Variants in DHRS13 observed in about 807,000 individuals in gnomAD.
The protein encoded by DHRS13 is dehydrogenase/reductase 13.
In DHRS13, 22 loss-of-function variants were observed where a neutral mutation model predicts 17.9. That is an observed-to-expected ratio of 1.23 (90% CI 0.88 to 1.75). DHRS13 has a LOEUF of 1.75. Among genes scored for constraint, DHRS13 ranks in the 40% most tolerant of loss-of-function variants. DHRS13 has a pLI of 0.00. For missense variants in DHRS13, 483 were observed against 519.9 expected (o/e 0.93, Z 0.69); for synonymous variants, 206 against 220.4 (o/e 0.93, Z 0.58).
At position 28,898,893 on chromosome 17, in the gene DHRS13, C is replaced by G. The variant is rs1471741990; in HGVS notation, c.683-1G>C. On this transcript the variant is annotated splice_acceptor_variant, in intron 4 of 4. Transcript: ENST00000378895. LOFTEE classifies it high-confidence loss of function. Reference sequence around the variant, plus strand: ...AGGAACAGCTCCGAGTTCACAGGCCCTGTAGGCAGGAAGAAAGAAAGGAGT... The same window carrying G: ...AGGAACAGCTCCGAGTTCACAGGCCGTGTAGGCAGGAAGAAAGAAAGGAGT... 1 of 1,569,442 alleles carries G rather than the reference C, an allele frequency of 6.4e-7. No homozygotes were observed. Among genetic ancestry groups the G allele is most frequent in the South Asian group, 1.2e-5 (1 of 86,612 alleles).
In DHRS13 at chr17:28,902,039, C is replaced by G. The variant is rs1053853127; in HGVS notation, c.247-423G>C. The G allele has an allele frequency of 1.7e-5, 3 of 179,154 alleles. No homozygotes were observed. The highest frequency in any genetic ancestry group is 7.2e-5 in the African/African-American group (3 of 41,798). 11.1% of individuals were successfully genotyped at this position (179,154 alleles called of 1,614,324 possible). ...CCTCTCTCCCGCTCTTGCCCCCCCA[C>G]TCCAGGCACCACGCAGCCACAAAGG... On this transcript the variant is annotated intron_variant, in intron 2 of 4. Transcript: ENST00000378895. This position sits in a 1 kb window ranked among gnomAD's most constrained non-coding sequence, Gnocchi z 4.0.
chr17:28,902,915 C>T lies in DHRS13; in HGVS notation c.30G>A (p.Leu10=). 6.5e-7 allele frequency: 1 copy of T among 1,550,298 alleles called. No homozygotes were observed. The highest frequency in any genetic ancestry group is 8.6e-7 in the Non-Finnish European group (1 of 1,156,316). MEALLLGAG[L]LLGAYVLVYY... ...AGACAAGCACGTAAGCGCCCAGCAG[C>T]AACCCCGCGCCCAGCAGCAGCGCCT... Residue 10 remains leucine, a synonymous_variant, in exon 1 of 5, where the codon TTG becomes TTA. Coordinates refer to ENST00000378895, the MANE Select transcript of DHRS13 (RefSeq NM_144683.4). This position sits in a 1 kb window ranked among gnomAD's most constrained non-coding sequence, Gnocchi z 4.0.
rs2039780210 is a variant in DHRS13, at chr17:28,898,623, C to T, written c.952G>A (p.Asp318Asn). ...KRLAGLGPGEDAEPDEDPQSE... is the reference protein window; with the variant it reads ...KRLAGLGPGENAEPDEDPQSE... Reference sequence around the variant, plus strand: ...TGGGGGTCTTCATCGGGTTCAGCATCCTCCCCAGGCCCAAGCCCTGCCAGC... The same window carrying T: ...TGGGGGTCTTCATCGGGTTCAGCATTCTCCCCAGGCCCAAGCCCTGCCAGC... Residue 318 changes from aspartate (D) to asparagine (N), a missense_variant, in exon 5 of 5, where the codon GAT becomes AAT. By Grantham distance (23) the Asp-to-Asn change is conservative. Transcript: ENST00000378895. 3 of 1,613,672 alleles carry T rather than the reference C, an allele frequency of 1.9e-6. No homozygotes were observed. Among genetic ancestry groups the T allele is most frequent in the Admixed American group, 1.7e-5 (1 of 59,924 alleles).
Position 28,902,910 on chromosome 17 carries a change from A to G in DHRS13, c.35T>C (p.Leu12Pro). The change falls in exon 1 of 5, where the codon CTG becomes CCG. Residue 12 changes from leucine to proline, a missense_variant. By Grantham distance (98) the Leu-to-Pro change is moderately conservative. Coordinates refer to ENST00000378895, the MANE Select transcript of DHRS13 (RefSeq NM_144683.4). This position sits in a 1 kb window ranked among gnomAD's most constrained non-coding sequence, Gnocchi z 4.0. ...GTAGTAGACAAGCACGTAAGCGCCCAGCAGCAACCCCGCGCCCAGCAGCAG... is the reference window on the plus strand; with the variant it reads ...GTAGTAGACAAGCACGTAAGCGCCCGGCAGCAACCCCGCGCCCAGCAGCAG... ...EALLLGAGLL[L>P]GAYVLVYYNL... The G allele has an allele frequency of 6.4e-7, 1 of 1,552,598 alleles. No homozygotes were observed. The highest frequency in any genetic ancestry group is 8.6e-7 in the Non-Finnish European group (1 of 1,157,472).
In DHRS13 at chr17:28,901,708, G is replaced by A. The variant is rs2039807418; in HGVS notation, c.247-92C>T. ...AAATTCTGAGAGTCCATCTCCTACTGTTTACTAAAATCTGCCCCTGTGTCT... is the reference window on the plus strand; with the variant it reads ...AAATTCTGAGAGTCCATCTCCTACTATTTACTAAAATCTGCCCCTGTGTCT... On this transcript the variant is annotated intron_variant, in intron 2 of 4. Transcript: ENST00000378895. This position sits in a 1 kb window ranked among gnomAD's most constrained non-coding sequence, Gnocchi z 4.3. 6.4e-7 allele frequency: 1 copy of A among 1,557,382 alleles called. No homozygotes were observed.
In DHRS13 at chr17:28,902,731, G is replaced by T; in HGVS notation, c.128-30C>A. 1 of 1,371,762 alleles carries T rather than the reference G, an allele frequency of 7.3e-7. No individual in the cohort carries two copies. Among genetic ancestry groups the T allele is most frequent in the Non-Finnish European group, 9.3e-7 (1 of 1,073,462 alleles). 85.0% of individuals were successfully genotyped at this position (1,371,762 alleles called of 1,614,324 possible). A position where few individuals can be genotyped will look rare whatever the true frequency, so the allele number is the denominator to read the frequency against. ...GGACCGCGGGCGGGAGCCGAGCTGA[G>T]CTGAGCCCGGCGGGCCGCTGCTACC... On this transcript the variant is annotated intron_variant, in intron 1 of 4. Coordinates refer to ENST00000378895, the MANE Select transcript of DHRS13 (RefSeq NM_144683.4). This position sits in a 1 kb window ranked among gnomAD's most constrained non-coding sequence, Gnocchi z 4.0.
Position 28,901,657 on chromosome 17 carries a change from T to G in DHRS13, c.247-41A>C. The G allele has an allele frequency of 6.2e-7, 1 of 1,609,396 alleles. No homozygotes were observed. On this transcript the variant is annotated intron_variant, in intron 2 of 4. Transcript: ENST00000378895. The surrounding 1 kb of genome is among the most constrained non-coding windows in gnomAD (Gnocchi z 4.3). ...GGCTGGGCTTGTCACCAGGCATCTC[T>G]CTCCTCTTCCCTCTCCCCAGGCACC...
At chr17:28,900,017 G>A (rs888297651) in intron 4 of DHRS13, among the ~76,000 whole-genome samples, 3 of 151,970 alleles carry the variant, frequency 2.0e-5, no homozygotes, top group African/African-American at 7.3e-5. Flanking sequence ...GGATTAAAGC[G>A]ATTCTCCTGC....
chr17:28,902,905 C>A lies in DHRS13; in HGVS notation c.40G>T (p.Ala14Ser), dbSNP rs749334823. 1 of 1,552,838 alleles carries A rather than the reference C, an allele frequency of 6.4e-7. No homozygotes were observed. The highest frequency in any genetic ancestry group is 8.6e-7 in the Non-Finnish European group (1 of 1,157,592). Residue 14 changes from alanine to serine, a missense_variant, in exon 1 of 5, where the codon GCT becomes TCT. By Grantham distance (99) the Ala-to-Ser change is moderately conservative. Coordinates refer to ENST00000378895, the MANE Select transcript of DHRS13 (RefSeq NM_144683.4). The surrounding 1 kb of genome is among the most constrained non-coding windows in gnomAD (Gnocchi z 4.0). ...AGGTTGTAGTAGACAAGCACGTAAGCGCCCAGCAGCAACCCCGCGCCCAGC... is the reference window on the plus strand; with the variant it reads ...AGGTTGTAGTAGACAAGCACGTAAGAGCCCAGCAGCAACCCCGCGCCCAGC... ...LLLGAGLLLG[A>S]YVLVYYNLVK...
Position 28,901,380 on chromosome 17 carries a change from A to C in DHRS13, c.371-79T>G. On this transcript the variant is annotated intron_variant, in intron 3 of 4. Coordinates refer to ENST00000378895, the MANE Select transcript of DHRS13 (RefSeq NM_144683.4). The surrounding 1 kb of genome is among the most constrained non-coding windows in gnomAD (Gnocchi z 4.3). ...GGCATCCCTATCTATGAGATGGGAG[A>C]AGGGGGCATCCTTCCCATGTGTCCA... is the stretch of plus-strand genomic sequence containing the variant. 1 of 1,586,526 alleles carries C rather than the reference A, an allele frequency of 6.3e-7. No homozygotes were observed. The highest frequency in any genetic ancestry group is 1.2e-5 in the South Asian group (1 of 86,950).
At position 28,898,810 on chromosome 17, in the gene DHRS13, G is replaced by T; in HGVS notation, c.765C>A (p.Leu255=). 1.2e-6 allele frequency: 2 copies of T among 1,610,012 alleles called. No individual in the cohort carries two copies. The highest frequency in any genetic ancestry group is 2.2e-5 in the South Asian group (2 of 90,512). ...PLLRPLAWLV[L]RAPRGGAQTP... is the part of the protein sequence containing the mutation. ...TCTGGGCACCCCCTCTTGGTGCCCG[G>T]AGCACCAGCCAAGCCAATGGGCGCA... Residue 255 remains leucine (L), a synonymous_variant, in exon 5 of 5, where the codon CTC becomes CTA. Coordinates refer to ENST00000378895, the MANE Select transcript of DHRS13 (RefSeq NM_144683.4).
In DHRS13 at chr17:28,899,027, C is replaced by T; in HGVS notation, c.683-135G>A. The T allele has an allele frequency of 2.8e-6, 2 of 725,500 alleles. No homozygotes were observed. Among genetic ancestry groups the T allele is most frequent in the Non-Finnish European group, 4.3e-6 (2 of 470,440 alleles). 44.9% of individuals were successfully genotyped at this position (725,500 alleles called of 1,614,324 possible). A position where few individuals can be genotyped will look rare whatever the true frequency, so the allele number is the denominator to read the frequency against. On this transcript the variant is annotated intron_variant, in intron 4 of 4. Coordinates refer to ENST00000378895, the MANE Select transcript of DHRS13 (RefSeq NM_144683.4). This position sits in a 1 kb window ranked among gnomAD's most constrained non-coding sequence, Gnocchi z 4.7. Reference sequence around the variant, plus strand: ...GACCAGACTGGGCAACATAGTCAAGCTCTGTCTCTTTAAAAAAAAAAACAA... The same window carrying T: ...GACCAGACTGGGCAACATAGTCAAGTTCTGTCTCTTTAAAAAAAAAAACAA...
rs2039808279 is a variant in DHRS13 at position 28,901,846 on chromosome 17, A to G, written c.247-230T>C. On this transcript the variant is annotated intron_variant, in intron 2 of 4. Coordinates refer to ENST00000378895, the MANE Select transcript of DHRS13 (RefSeq NM_144683.4). The surrounding 1 kb of genome is among the most constrained non-coding windows in gnomAD (Gnocchi z 4.3). ...GGGTCTCAGTTCTCTCACTGCGTAA[A>G]GGGAATAATAATAACAACAGTCCCA... 1.7e-6 allele frequency: 1 copy of G among 592,308 alleles called. No individual in the cohort carries two copies. The highest frequency in any genetic ancestry group is 1.9e-5 in the African/African-American group (1 of 53,746). The allele number at this position is 592,308 out of a possible 1,614,324, so 36.7% of individuals were successfully genotyped here. A position where few individuals can be genotyped will look rare whatever the true frequency, so the allele number is the denominator to read the frequency against.
At position 28,899,211 on chromosome 17, in the gene DHRS13, C is replaced by A; in HGVS notation, c.683-319G>T. The A allele has an allele frequency of 4.0e-6, 1 of 252,030 alleles. No individual in the cohort carries two copies. Among genetic ancestry groups the A allele is most frequent in the Non-Finnish European group, 7.6e-6 (1 of 132,242 alleles). 15.6% of individuals were successfully genotyped at this position (252,030 alleles called of 1,614,324 possible). A position where few individuals can be genotyped will look rare whatever the true frequency, so the allele number is the denominator to read the frequency against. On this transcript the variant is annotated intron_variant, in intron 4 of 4. Transcript: ENST00000378895. The surrounding 1 kb of genome is among the most constrained non-coding windows in gnomAD (Gnocchi z 4.7). Reference sequence around the variant, plus strand: ...TTCCATCCAGACTGCTTGTTCACCCCACATCCCAGATTTTGTTCATGCTGT... The same window carrying A: ...TTCCATCCAGACTGCTTGTTCACCCAACATCCCAGATTTTGTTCATGCTGT...
rs2152652946 is a variant in DHRS13, at chr17:28,902,993, CG to C, written c.-50del. The C allele has an allele frequency of 1.5e-6, 2 of 1,359,570 alleles. No individual in the cohort carries two copies. The highest frequency in any genetic ancestry group is 6.4e-5 in the East Asian group (2 of 31,374). The allele number at this position is 1,359,570 out of a possible 1,614,324, so 84.2% of individuals were successfully genotyped here. A position where few individuals can be genotyped will look rare whatever the true frequency, so the allele number is the denominator to read the frequency against. On this transcript the variant is annotated 5_prime_UTR_variant, in exon 1 of 5. Transcript: ENST00000378895. The surrounding 1 kb of genome is among the most constrained non-coding windows in gnomAD (Gnocchi z 4.0). Reference sequence around the variant, plus strand: ...GCCCAGGCCCCGCACCGCCCTGGATCGCCGCCAGGCGGCTGCCGATCCGCCC... The same window carrying C: ...GCCCAGGCCCCGCACCGCCCTGGATCCCGCCAGGCGGCTGCCGATCCGCCC...
chr17:28,900,264 A>G (rs950062951), intron 4 of DHRS13, among the ~76,000 whole-genome samples: 4 of 152,060 alleles, frequency 2.6e-5, no homozygotes, highest in African/African-American at 9.7e-5. Context: ...CCTGACCTCA[A>G]GTGATCTACC....
Position 28,898,246 on chromosome 17 carries a change from GTCACTC to G in DHRS13, c.*189_*194del, listed in dbSNP as rs1346818209. 1 of 610,880 alleles carries G rather than the reference GTCACTC, an allele frequency of 1.6e-6. No individual in the cohort carries two copies. Among genetic ancestry groups the G allele is most frequent in the Non-Finnish European group, 2.8e-6 (1 of 358,994 alleles). 37.8% of individuals were successfully genotyped at this position (610,880 alleles called of 1,614,324 possible). A position where few individuals can be genotyped will look rare whatever the true frequency, so the allele number is the denominator to read the frequency against. ...CCCTATCTCTCCATCTGGGGTTACT[GTCACTC>G]TCAGGAAGAAATAATCACCCATTAT... On this transcript the variant is annotated 3_prime_UTR_variant, in exon 5 of 5. Transcript: ENST00000378895.
Position 28,899,904 on chromosome 17 carries a change from CTTTTTT to C in DHRS13, c.683-1018_683-1013del, listed in dbSNP as rs1053784138. On this transcript the variant is annotated intron_variant, in intron 4 of 4. Transcript: ENST00000378895. This position sits in a 1 kb window ranked among gnomAD's most constrained non-coding sequence, Gnocchi z 4.7. ...TGTATTTGTAGTAGAGACAGGTTTT[CTTTTTT>C]TTTTCTTTTTTCTTTTTTTTTGAGA... Among the ~76,000 whole-genome samples, 4 of 148,226 alleles carry C rather than the reference CTTTTTT, an allele frequency of 2.7e-5. No homozygotes were observed. Among genetic ancestry groups the C allele is most frequent in the Non-Finnish European group, 6.0e-5 (4 of 66,748 alleles).
In DHRS13 at chr17:28,899,231, T is replaced by C. The variant is rs2039788346; in HGVS notation, c.683-339A>G. On this transcript the variant is annotated intron_variant, in intron 4 of 4. Coordinates refer to ENST00000378895, the MANE Select transcript of DHRS13 (RefSeq NM_144683.4). This position sits in a 1 kb window ranked among gnomAD's most constrained non-coding sequence, Gnocchi z 4.7. ...CACCCCACATCCCAGATTTTGTTCA[T>C]GCTGTGTCCCATGTCTGAAACAATT... The C allele has an allele frequency of 8.6e-6, 2 of 231,374 alleles. No homozygotes were observed. The highest frequency in any genetic ancestry group is 1.4e-4 in the South Asian group (2 of 14,220). 14.3% of individuals were successfully genotyped at this position (231,374 alleles called of 1,614,324 possible). A position where few individuals can be genotyped will look rare whatever the true frequency, so the allele number is the denominator to read the frequency against.
Sources: gnomAD v4.1 joint callset for allele counts (sites outside exome capture counted in the v4.1 genomes callset) on GRCh38, gnomAD v4.1.1 for gene constraint, Gnocchi (gnomAD v3.1) non-coding constraint, MANE v1.5 for transcripts, NCBI Gene and HGNC (gene_info 2026-07-23, HGNC 2026-07-21) for gene names.